PREP: variants seen among roughly 807,000 people sequenced by gnomAD.
PREP encodes the protein prolyl endopeptidase.
PREP carries 29 observed loss-of-function variants against 87.6 expected under a neutral mutation model. That is an observed-to-expected ratio of 0.33 (90% CI 0.25 to 0.45). The LOEUF is 0.45. Among genes scored for constraint, PREP ranks in the 20% least tolerant of loss-of-function variants. The pLI, the probability that PREP is intolerant of heterozygous loss-of-function variation, is 1.00. For missense variants in PREP, 695 were observed against 886.5 expected (o/e 0.78, Z 2.74); for synonymous variants, 337 against 328.6 (o/e 1.03, Z -0.28).
chr6:105,323,730 C>A lies in PREP; in HGVS notation c.1252G>T (p.Glu418Ter), dbSNP rs768926214. 1.2e-6 allele frequency: 2 copies of A among 1,613,828 alleles called. No individual in the cohort carries two copies. Among genetic ancestry groups the A allele is most frequent in the South Asian group, 1.1e-5 (1 of 91,074 alleles). ...YHCDLTKEEL[E>*]PRVFREVTVK... is the part of the protein sequence containing the mutation. ...GTCACCTCTCGGAAAACTCTTGGCT[C>A]CAGCTCCTCTTTGGTAAGATCACAG... The change falls in exon 10 of 15, where the codon GAG becomes TAG. Residue 418 changes from glutamate to a stop codon, truncating the protein, a stop_gained. Coordinates refer to ENST00000652536, the MANE Select transcript of PREP (RefSeq NM_002726.5). LOFTEE classifies it high-confidence loss of function.
At chr6:105,367,447 G>A (rs979126368) in intron 6 of PREP, among the ~76,000 whole-genome samples, 22 of 152,142 alleles carry the variant, frequency 1.4e-4, no homozygotes, top group African/African-American at 5.1e-4. Context: ...GCCGAAGCGG[G>A]CGGATCACGA....
rs545227466 is a variant in PREP, at chr6:105,302,666, T to C, written c.1318-13772A>G. ...TTAATTACGGTGAGAACACGGGCAA[T>C]GGAATTGTGGATGACACGGATCTTA... On this transcript the variant is annotated intron_variant, in intron 10 of 14. Coordinates refer to ENST00000652536, the MANE Select transcript of PREP (RefSeq NM_002726.5). The C allele has an allele frequency of 4.7e-4, 224 of 480,792 alleles. 1 individual carries two copies. The highest frequency in any genetic ancestry group is 4.1e-3 in the African/African-American group (205 of 50,418). 29.8% of individuals were successfully genotyped at this position (480,792 alleles called of 1,614,324 possible).
Position 105,274,684 on chromosome 6 carries a change from C to T in PREP, c.*3460G>A, listed in dbSNP as rs374312177. Among the ~76,000 whole-genome samples the T allele has an allele frequency of 6.6e-6, 1 of 152,116 alleles. No homozygotes were observed. The highest frequency in any genetic ancestry group is 2.1e-4 in the South Asian group (1 of 4,830). Reference sequence around the variant, plus strand: ...TGGGAAGGCTGAGGCAGGAGAATCACGTGAACCCAAGAGGTGGAGGTTGCA... The same window carrying T: ...TGGGAAGGCTGAGGCAGGAGAATCATGTGAACCCAAGAGGTGGAGGTTGCA... On this transcript the variant is annotated 3_prime_UTR_variant, in exon 15 of 15. Coordinates refer to ENST00000652536, the MANE Select transcript of PREP (RefSeq NM_002726.5).
chr6:105,400,339 C>T (rs187781413), intron 1 of PREP, among the ~76,000 whole-genome samples: 12 of 152,294 alleles, frequency 7.9e-5, no homozygotes, highest in Non-Finnish European at 1.5e-4. Flanking sequence ...AGTGCAGACT[C>T]GTACACACAG....
chr6:105,362,188 T>C (rs1009435598), intron 6 of PREP, among the ~76,000 whole-genome samples: 9 of 152,194 alleles, frequency 5.9e-5, no homozygotes, highest in African/African-American at 1.9e-4. Flanking sequence ...GGGTTGGGTG[T>C]GGTGGCTCAA....
intron 7 of PREP, among the ~76,000 whole-genome samples, chr6:105,339,806 A>C (rs1004997268): frequency 3.3e-5 from 5 of 152,206 alleles, no homozygotes; most frequent in Admixed American, 6.5e-5. Context: ...AGATCAAATG[A>C]ATGAAATGAA....
chr6:105,311,385 C>G (rs1472210528), intron 10 of PREP, among the ~76,000 whole-genome samples: 2 of 152,166 alleles, frequency 1.3e-5, no homozygotes, highest in African/African-American at 4.8e-5. Context: ...TAGGTCCTCT[C>G]TGAGACCAAG....
chr6:105,396,992 TG>T (rs2114737065), intron 2 of PREP, among the ~76,000 whole-genome samples: 1 of 152,128 alleles, frequency 6.6e-6, no homozygotes, highest in African/African-American at 2.4e-5. Flanking sequence ...GAGACCAGCC[TG>T]GCCAACATGG....
intron 10 of PREP, among the ~76,000 whole-genome samples, chr6:105,290,432 A>G (rs1770277696): frequency 6.6e-6 from 1 of 151,886 alleles, no homozygotes. Context: ...CATCTGTTCA[A>G]AAAACCGAAT....
chr6:105,388,612 C>T (rs755201334), intron 2 of PREP, among the ~76,000 whole-genome samples: 1 of 152,196 alleles, frequency 6.6e-6, no homozygotes, highest in Non-Finnish European at 1.5e-5. Context: ...ATACATATTT[C>T]ACTTGTGAAT....
At chr6:105,288,720 G>T (rs754174189) in intron 11 of PREP, 38 bp downstream of exon 11, 1 of 1,609,656 alleles carries the variant, frequency 6.2e-7, no homozygotes, top group Non-Finnish European at 8.5e-7. Flanking sequence ...ATATGGAAAA[G>T]ATAAAATACT....
intron 10 of PREP, among the ~76,000 whole-genome samples, chr6:105,310,012 A>G (rs1374132311): frequency 2.0e-5 from 3 of 152,212 alleles, no homozygotes; most frequent in Non-Finnish European, 4.4e-5. Flanking sequence ...AAGCTATGGA[A>G]AGCCTTGTTG....
At chr6:105,327,919 A>AC (rs1771214422) in intron 9 of PREP, among the ~76,000 whole-genome samples, 1 of 152,134 alleles carries the variant, frequency 6.6e-6, no homozygotes, top group Admixed American at 6.5e-5. Context: ...GAGGAAAAAA[A>AC]CAAAACAAAG....
At chr6:105,330,628 A>G (rs1771303148) in intron 8 of PREP, among the ~76,000 whole-genome samples, 2 of 151,818 alleles carry the variant, frequency 1.3e-5, no homozygotes, top group Admixed American at 6.5e-5. Context: ...TGTAGGGGAC[A>G]GGTCACATGT....
At chr6:105,343,515 A>G (rs1771717173) in intron 7 of PREP, among the ~76,000 whole-genome samples, 1 of 152,240 alleles carries the variant, frequency 6.6e-6, no homozygotes, top group Non-Finnish European at 1.5e-5. Context: ...ACAGAAGCCA[A>G]AATTGACAAA....
At chr6:105,386,358 G>C (rs1583102018) in intron 2 of PREP, among the ~76,000 whole-genome samples, 1 of 152,312 alleles carries the variant, frequency 6.6e-6, no homozygotes, top group East Asian at 1.9e-4. Flanking sequence ...ATCTAGCTCA[G>C]TGGCAATGTA....
At chr6:105,354,485 C>T (rs191662162) in intron 6 of PREP, among the ~76,000 whole-genome samples, 3 of 151,052 alleles carry the variant, frequency 2.0e-5, no homozygotes, top group Admixed American at 2.0e-4. Context: ...GGCCATAGTG[C>T]CCAGATATTT....
At chr6:105,308,650 C>T (rs1149316) in intron 10 of PREP, among the ~76,000 whole-genome samples, 34,300 of 151,258 alleles carry the variant, frequency 0.23, 7,898 homozygotes, top group African/African-American at 0.59. Flanking sequence ...TGGTCCAACA[C>T]AGAAATATTA....
At chr6:105,363,669 A>G (rs940540668) in intron 6 of PREP, among the ~76,000 whole-genome samples, 1 of 152,166 alleles carries the variant, frequency 6.6e-6, no homozygotes, top group African/African-American at 2.4e-5. Flanking sequence ...TACCTCCAGA[A>G]CAGAGTAACC....
Sources: gnomAD v4.1 joint callset for allele counts (sites outside exome capture counted in the v4.1 genomes callset) on GRCh38, gnomAD v4.1.1 for gene constraint, MANE v1.5 for transcripts, NCBI Gene and HGNC (gene_info 2026-07-23, HGNC 2026-07-21) for gene names.